ULK2: variants seen among roughly 807,000 people sequenced by gnomAD.
The protein encoded by ULK2 is unc-51 like autophagy activating kinase 2.
Under a neutral mutation model 127.5 loss-of-function variants are expected in ULK2, and 76 were observed. That is an observed-to-expected ratio of 0.60 (90% CI 0.50 to 0.72). ULK2 has a LOEUF of 0.72. ULK2 is among the 30% of genes least tolerant of loss of function. The pLI, the probability that ULK2 is intolerant of heterozygous loss-of-function variation, is 0.00. For missense variants in ULK2, 1,144 were observed against 1,295.9 expected, an observed-to-expected ratio of 0.88 and a Z score of 1.80; for synonymous variants, 452 against 461.9, an observed-to-expected ratio of 0.98 and a Z score of 0.28.
chr17:19,867,132 G>A (rs1291754298), intron 1 of ULK2, among the ~76,000 whole-genome samples, 196 bp downstream of exon 1: 2 of 152,168 alleles, frequency 1.3e-5, no homozygotes, highest in African/African-American at 4.8e-5. Flanking sequence ...TCGGTAGGCG[G>A]AGCGCTGCCA....
intron 7 of ULK2, 44 bp from the exon 8 acceptor site, chr17:19,843,266 A>G: frequency 1.6e-6 from 2 of 1,284,680 alleles, no homozygotes; most frequent in Non-Finnish European, 2.1e-6. Context: ...CGTTATTTAC[A>G]TAATTAATAT....
intron 3 of ULK2, among the ~76,000 whole-genome samples, chr17:19,852,856 T>C (rs538290646): frequency 1.3e-5 from 2 of 152,020 alleles, no homozygotes; most frequent in African/African-American, 4.8e-5. Flanking sequence ...TTCACTGTGT[T>C]AGCCAGGATG....
In ULK2 at chr17:19,783,879, G is replaced by C. The variant is rs1489148287; in HGVS notation, c.2278C>G (p.Leu760Val). The C allele has an allele frequency of 5.8e-6, 9 of 1,548,094 alleles. No individual in the cohort carries two copies. The highest frequency in any genetic ancestry group is 1.9e-5 in the Admixed American group (1 of 51,706). Residue 760 changes from leucine (L) to valine (V), a missense_variant, in exon 22 of 27, where the codon CTT becomes GTT. Transcript: ENST00000395544. ...CACACGCGGCCACTCATGGCACAAA[G>C]AGAGCCCCCGGAGTTGCTGGGCCCC... ...SVGPSNSGGS[L>V]CAMSGRVCVG...
At chr17:19,855,647 C>T (rs2042111449) in intron 3 of ULK2, 1 of 151,536 alleles carries the variant, frequency 6.6e-6, no homozygotes, top group South Asian at 2.1e-4. Flanking sequence ...GTAAGACCCC[C>T]CCACAAAAAT....
intron 20 of ULK2, among the ~76,000 whole-genome samples, chr17:19,793,104 G>C (rs575308323): frequency 1.3e-5 from 2 of 152,258 alleles, no homozygotes; most frequent in South Asian, 2.1e-4. Context: ...GGAAACTTAC[G>C]ATTACAGTGG....
intron 24 of ULK2, 117 bp from the exon 25 acceptor site, chr17:19,780,746 A>T (rs1597703565): frequency 1.7e-6 from 2 of 1,187,944 alleles, no homozygotes; most frequent in East Asian, 2.6e-5. Flanking sequence ...TCATTCAAAA[A>T]AAGGACCAGA....
rs764219457 is a variant in ULK2 at position 19,865,795 on chromosome 17, T to G, written c.124A>C (p.Asn42His). The G allele has an allele frequency of 1.5e-5, 24 of 1,564,438 alleles. No homozygotes were observed. In the South Asian group the frequency reaches 2.5e-4, roughly 16 times the overall value. ...TGTGATTTTGACAAGTTCTTTTTATTAATACTTTTAATAGCTACCTCCCAA... is the reference window on the plus strand; with the variant it reads ...TGTGATTTTGACAAGTTCTTTTTATGAATACTTTTAATAGCTACCTCCCAA... ...TDWEVAIKSI[N>H]KKNLSKSQIL... Residue 42 changes from asparagine (N) to histidine (H), a missense_variant, in exon 2 of 27, where the codon AAT (asparagine) becomes CAT (histidine). Physicochemically the swap from Asn to His is moderately conservative, Grantham distance 68. This residue lies in a region of ULK2 where 231 missense variants were observed against 325.4 expected (regional missense o/e 0.71). Coordinates refer to ENST00000395544, the MANE Select transcript of ULK2 (RefSeq NM_014683.4).
At position 19,776,228 on chromosome 17, in the gene ULK2, C is replaced by CT; in HGVS notation, c.*120dup. ...TTCCTTTTTCAAATCACTGCTTGTT[C>CT]TTTGGTAGTCACCAGTTAAGAAGCT... On this transcript the variant is annotated 3_prime_UTR_variant, in exon 27 of 27. Transcript: ENST00000395544. 1 of 798,604 alleles carries CT rather than the reference C, an allele frequency of 1.3e-6. No homozygotes were observed. The highest frequency in any genetic ancestry group is 2.4e-5 in the South Asian group (1 of 41,038). 49.5% of individuals were successfully genotyped at this position (798,604 alleles called of 1,614,324 possible). A position where few individuals can be genotyped will look rare whatever the true frequency, so the allele number is the denominator to read the frequency against.
chr17:19,794,166 C>A (rs2087215231), intron 20 of ULK2, among the ~76,000 whole-genome samples: 1 of 151,456 alleles, frequency 6.6e-6, no homozygotes, highest in Non-Finnish European at 1.5e-5. Flanking sequence ...ACTTCCTGAA[C>A]TAAAAAGCAA....
At chr17:19,786,722 A>C (rs2087041178) in intron 20 of ULK2, among the ~76,000 whole-genome samples, 1 of 151,760 alleles carries the variant, frequency 6.6e-6, no homozygotes. Context: ...TCAAAAAAAA[A>C]AAAAAAAGAA....
At chr17:19,813,427 A>G (rs1411631082) in intron 13 of ULK2, among the ~76,000 whole-genome samples, 8 of 152,252 alleles carry the variant, frequency 5.3e-5, no homozygotes, top group Admixed American at 5.2e-4. Context: ...AATTAGAGCA[A>G]TAAGACAAAA....
intron 13 of ULK2, among the ~76,000 whole-genome samples, chr17:19,811,433 T>G (rs1164112762): frequency 6.9e-6 from 1 of 145,244 alleles, no homozygotes; most frequent in Non-Finnish European, 1.5e-5. Flanking sequence ...TTCAAGTAAC[T>G]TTTTTTTTTT....
At chr17:19,807,468 T>C (rs969959369) in intron 14 of ULK2, among the ~76,000 whole-genome samples, 9 of 152,206 alleles carry the variant, frequency 5.9e-5, no homozygotes, top group Admixed American at 5.9e-4. Flanking sequence ...CCTATGCCTA[T>C]TTTTTGTCTG....
chr17:19,833,351 C>G (rs2152394873), intron 10 of ULK2, among the ~76,000 whole-genome samples: 1 of 129,200 alleles, frequency 7.7e-6, no homozygotes, highest in Middle Eastern at 3.8e-3. Context: ...GACTTTAAAG[C>G]AGTTATTATA....
In ULK2 at chr17:19,775,427, G is replaced by C. The variant is rs2086796460; in HGVS notation, c.*922C>G. The C allele has an allele frequency of 6.6e-6, 1 of 152,544 alleles. No individual in the cohort carries two copies. The highest frequency in any genetic ancestry group is 2.4e-5 in the African/African-American group (1 of 41,412). 9.4% of individuals were successfully genotyped at this position (152,544 alleles called of 1,614,324 possible). On this transcript the variant is annotated 3_prime_UTR_variant, in exon 27 of 27. Transcript: ENST00000395544. ...AGAGTATCTCTTGATCCATGATTTT[G>C]TTTCTAATACTGCCCAAATAAACCT...
intron 20 of ULK2, among the ~76,000 whole-genome samples, chr17:19,795,230 C>T (rs1049980664): frequency 2.7e-5 from 4 of 150,820 alleles, no homozygotes; most frequent in East Asian, 3.9e-4. Context: ...GGAGCAACTC[C>T]GAAAGGTTCA....
rs111418814 is a variant in ULK2, at chr17:19,777,877, G to A, written c.2917-161C>T. Among the ~76,000 whole-genome samples the A allele has an allele frequency of 1.6e-3, 241 of 152,292 alleles. 1 individual carries two copies. Among genetic ancestry groups the A allele is most frequent in the African/African-American group, 5.5e-3 (230 of 41,548 alleles). ...ATAAAACTCAAAGATTCTTTGGGAT[G>A]AGCAATATATAAGAGCAACTTCATA... On this transcript the variant is annotated intron_variant, in intron 25 of 26. Transcript: ENST00000395544.
At position 19,795,740 on chromosome 17, in the gene ULK2, G is replaced by A; in HGVS notation, c.1998-15C>T. 1 of 1,603,008 alleles carries A rather than the reference G, an allele frequency of 6.2e-7. No homozygotes were observed. The highest frequency in any genetic ancestry group is 1.3e-5 in the African/African-American group (1 of 74,780). ...TACTGACAGATCTAAAAAGAATAGT[G>A]ATGTTTTTAATAAAGGAAAAGTATA... On this transcript the variant is annotated splice_polypyrimidine_tract_variant and intron_variant, in intron 19 of 26. Coordinates refer to ENST00000395544, the MANE Select transcript of ULK2 (RefSeq NM_014683.4).
intron 12 of ULK2, among the ~76,000 whole-genome samples, chr17:19,818,591 C>T (rs531666035): frequency 6.6e-6 from 1 of 152,172 alleles, no homozygotes; most frequent in African/African-American, 2.4e-5. Flanking sequence ...TCCATGGGCG[C>T]TCCTCTCTCC....
Sources: allele counts gnomAD v4.1 joint callset (sites outside exome capture counted in the v4.1 genomes callset), GRCh38; gene constraint gnomAD v4.1.1; regional missense constraint gnomAD v4.1.1; transcripts MANE v1.5; gene names NCBI Gene and HGNC (gene_info 2026-07-23, HGNC 2026-07-21).